PRMT7: variants seen among roughly 807,000 people sequenced by gnomAD.
PRMT7 encodes protein arginine N-methyltransferase 7.
PRMT7 carries 75 observed loss-of-function variants against 85.4 expected under a neutral mutation model. The observed-to-expected ratio is 0.88, with a 90% CI of 0.73 to 1.06. The LOEUF is 1.06. Ranked by LOEUF, PRMT7 falls within the 50% of genes least tolerant of loss-of-function variation. The pLI, the probability that PRMT7 is intolerant of heterozygous loss-of-function variation, is 0.00. For synonymous variants in PRMT7, 397 were observed against 359.5 expected (o/e 1.10, Z -1.18); for missense variants, 868 against 915.2 (o/e 0.95, Z 0.67).
chr16:68,344,426 G>T (rs1486569115), intron 9 of PRMT7, among the ~76,000 whole-genome samples: 1 of 152,202 alleles, frequency 6.6e-6, no homozygotes, highest in Non-Finnish European at 1.5e-5. Flanking sequence ...ACGCGTGGGT[G>T]TCATCGGTGC....
At chr16:68,317,656 T>G (rs140843918) in intron 3 of PRMT7, among the ~76,000 whole-genome samples, 3,921 of 152,022 alleles carry the variant, frequency 0.026, 87 homozygotes, top group Non-Finnish European at 0.035. Flanking sequence ...GGAGAAACCC[T>G]GTCTCTACTA....
rs1244680346 is a variant in PRMT7 at position 68,346,160 on chromosome 16, G to A, written c.1071G>A (p.Glu357=). ...SLQRTSPEKN[E]RVRQMRPVCD... is the part of the protein sequence containing the mutation. Reference sequence around the variant, plus strand: ...CCTGGCCTAGCCCTGAAAAGAATGAGAGAGTCCGCCAGATGCGCCCCGTGT... The same window carrying A: ...CCTGGCCTAGCCCTGAAAAGAATGAAAGAGTCCGCCAGATGCGCCCCGTGT... The change falls in exon 11 of 19, where the codon GAG becomes GAA. Residue 357 remains glutamate, a synonymous_variant. Transcript: ENST00000441236. 3.1e-6 allele frequency: 5 copies of A among 1,613,956 alleles called. No homozygotes were observed. Among genetic ancestry groups the A allele is most frequent in the Middle Eastern group, 3.3e-4 (2 of 6,062 alleles).
At chr16:68,356,833 A>G in intron 18 of PRMT7, 36 bp downstream of exon 18, 1 of 1,575,356 alleles carries the variant, frequency 6.3e-7, no homozygotes, top group Non-Finnish European at 8.6e-7. Flanking sequence ...GTGCGTGCAG[A>G]CCCTGAGAGC....
intron 6 of PRMT7, among the ~76,000 whole-genome samples, chr16:68,333,759 C>T (rs2084256200): frequency 6.6e-6 from 1 of 152,012 alleles, no homozygotes; most frequent in African/African-American, 2.4e-5. Context: ...CCAGGCCCCT[C>T]ATATGATTTC....
intron 3 of PRMT7, chr16:68,316,719 T>G (rs1381451496): frequency 2.0e-5 from 3 of 152,468 alleles, no homozygotes; most frequent in African/African-American, 7.3e-5. Flanking sequence ...TGAGCCGAGA[T>G]CGAGCCATTG....
intron 5 of PRMT7, 55 bp downstream of exon 5, chr16:68,324,887 G>A (rs561569313): frequency 1.5e-5 from 24 of 1,600,752 alleles, no homozygotes; most frequent in Non-Finnish European, 2.0e-5. Context: ...AATCCCCTAT[G>A]CTCTTGCACT....
Position 68,352,320 on chromosome 16 carries a change from G to T in PRMT7, c.1486G>T (p.Val496Leu). ...LPWHNLYFWY[V>L]RTAVDQHLGP... The stretch of plus-strand genomic sequence containing the variant: ...GTGGCACAACCTCTACTTCTGGTAC[G>T]TGCGGACCGCTGTGGACCAGCACCT... Residue 496 changes from valine (V) to leucine (L), a missense_variant, in exon 15 of 19, where the codon GTG (valine) becomes TTG (leucine). Physicochemically the swap from Val to Leu is conservative, Grantham distance 32. Coordinates refer to ENST00000441236, the MANE Select transcript of PRMT7 (RefSeq NM_019023.5). The T allele has an allele frequency of 6.2e-7, 1 of 1,613,152 alleles. No individual in the cohort carries two copies. The highest frequency in any genetic ancestry group is 8.5e-7 in the Non-Finnish European group (1 of 1,180,018).
At chr16:68,331,460 T>G (rs1020727933) in intron 6 of PRMT7, among the ~76,000 whole-genome samples, 2 of 148,288 alleles carry the variant, frequency 1.3e-5, no homozygotes, top group East Asian at 3.9e-4. Flanking sequence ...TTTCTCTTTC[T>G]TTGTTGTTCT....
At chr16:68,315,228 A>G (rs1276957517) in intron 2 of PRMT7, 2 of 151,236 alleles carry the variant, frequency 1.3e-5, no homozygotes, top group African/African-American at 4.9e-5. Flanking sequence ...CCTTGATCCC[A>G]TCTCTTTCCC....
At chr16:68,360,609 G>C (rs2089200379), downstream of PRMT7, 1 of 153,266 alleles carries the variant, frequency 6.5e-6, no homozygotes, top group African/African-American at 2.4e-5. Flanking sequence ...ACCCTGGGAA[G>C]AGCCCTGGGC....
Position 68,353,566 on chromosome 16 carries a change from G to A in PRMT7, c.1650G>A (p.Lys550=), listed in dbSNP as rs367622589. ...FDVHIMDDMI[K]RALDFRESRE... ...TGCACATCATGGACGACATGATTAA[G>A]GTAGGCAGGGCCACACTCTGCATAG... The change falls in exon 16 of 19, where the codon AAG becomes AAA. Residue 550 remains lysine (K), a splice_region_variant and synonymous_variant. Transcript: ENST00000441236. The A allele has an allele frequency of 7.6e-6, 12 of 1,576,878 alleles. No individual in the cohort carries two copies. The African/African-American group carries it at 1.4e-4, about 18-fold the overall frequency.
At chr16:68,352,931 C>G (rs2087627210) in intron 15 of PRMT7, among the ~76,000 whole-genome samples, 1 of 152,212 alleles carries the variant, frequency 6.6e-6, no homozygotes, top group Admixed American at 6.5e-5. Context: ...GGTTTTCTCT[C>G]CTAGCTTAGT....
intron 3 of PRMT7, among the ~76,000 whole-genome samples, chr16:68,320,954 G>A (rs1046721959): frequency 1.3e-5 from 2 of 152,026 alleles, no homozygotes; most frequent in Non-Finnish European, 2.9e-5. Flanking sequence ...GTGACATAAC[G>A]AGACCCTGTT....
chr16:68,355,594 C>T (rs1026031835), intron 16 of PRMT7, 129 bp from the exon 17 acceptor site: 110 of 997,050 alleles, frequency 1.1e-4, no homozygotes, highest in South Asian at 1.4e-4. Context: ...GTCTGCTGGG[C>T]GCTCGGCATC....
At chr16:68,337,788 C>T (rs2084919631) in intron 7 of PRMT7, among the ~76,000 whole-genome samples, 1 of 152,166 alleles carries the variant, frequency 6.6e-6, no homozygotes, top group African/African-American at 2.4e-5. Context: ...AAGCAAGAAA[C>T]TATATTCAAA....
chr16:68,360,277 G>A, downstream of PRMT7: 1 of 152,424 alleles, frequency 6.6e-6, no homozygotes, highest in East Asian at 1.9e-4. Context: ...TAGAAGAGAA[G>A]CTACAAATAG....
At chr16:68,348,483 A>G (rs768214074) in intron 14 of PRMT7, 52 bp downstream of exon 14, 32 of 1,465,486 alleles carry the variant, frequency 2.2e-5, no homozygotes, top group Non-Finnish European at 3.0e-5. Flanking sequence ...GGTGGTCAGC[A>G]CGGCACTGAA....
intron 1 of PRMT7, 76 bp downstream of exon 1, chr16:68,311,175 C>T (rs1157887904): frequency 1.6e-6 from 1 of 609,710 alleles, no homozygotes; most frequent in Non-Finnish European, 3.0e-6. Flanking sequence ...TCCTTGGCAC[C>T]AGGGTTTCGG....
At chr16:68,346,048 C>G (rs2086308762) in intron 10 of PRMT7, 97 bp from the exon 11 acceptor site, 1 of 1,560,830 alleles carries the variant, frequency 6.4e-7, no homozygotes, top group African/African-American at 1.4e-5. Flanking sequence ...TGCTCTAAGC[C>G]CTCATGCCTA....
Sources: gnomAD v4.1 joint callset for allele counts (sites outside exome capture counted in the v4.1 genomes callset) on GRCh38, gnomAD v4.1.1 for gene constraint, MANE v1.5 for transcripts, NCBI Gene and HGNC (gene_info 2026-07-23, HGNC 2026-07-21) for gene names.